CMTM4: variants seen among roughly 807,000 people sequenced by gnomAD.
CMTM4 encodes the protein CKLF like MARVEL transmembrane domain containing 4, also known as CKLF-like MARVEL transmembrane domain-containing protein 4.
A neutral mutation model predicts 19.0 loss-of-function variants in CMTM4; 8 were observed. The ratio of observed to expected loss-of-function variants is 0.42; its 90% CI spans 0.25 to 0.76. CMTM4 has a LOEUF of 0.76. CMTM4 is among the 30% of genes least tolerant of loss of function. CMTM4 has a pLI of 0.27. For synonymous variants in CMTM4, 106 were observed against 121.1 expected (o/e 0.88, Z 0.82); for missense variants, 228 against 290.2 (o/e 0.79, Z 1.56).
At chr16:66,609,792 A>G (rs767734260), downstream of CMTM4, 7 of 1,613,064 alleles carry the variant, frequency 4.3e-6, no homozygotes, top group South Asian at 2.2e-5. This position sits in a 1 kb window ranked among gnomAD's most constrained non-coding sequence, Gnocchi z 4.4. Flanking sequence ...TGTTTGTCCA[A>G]GCAGATCTGA....
intron 1 of CMTM4, among the ~76,000 whole-genome samples, chr16:66,646,739 C>T (rs2016209607): frequency 2.0e-5 from 3 of 149,766 alleles, no homozygotes; most frequent in Admixed American, 6.6e-5. Context: ...CACAGTCTCG[C>T]TGTGTTACCC....
intron 2 of CMTM4, among the ~76,000 whole-genome samples, chr16:66,634,590 A>C (rs1030822688): frequency 6.6e-6 from 1 of 152,156 alleles, no homozygotes; most frequent in Non-Finnish European, 1.5e-5. Context: ...TAAGGGGGTC[A>C]AGTCAAACCT....
chr16:66,634,856 C>T (rs766364176), intron 2 of CMTM4, among the ~76,000 whole-genome samples: 11 of 152,206 alleles, frequency 7.2e-5, no homozygotes, highest in Non-Finnish European at 1.5e-4. Context: ...GGGTCATGCA[C>T]AGCCTGTTTC....
At chr16:66,650,127 A>C (rs355965) in intron 1 of CMTM4, among the ~76,000 whole-genome samples, 1 of 152,242 alleles carries the variant, frequency 6.6e-6, no homozygotes, top group East Asian at 1.9e-4. Flanking sequence ...AGTCAACACC[A>C]AACTCAGGTG....
intron 1 of CMTM4, among the ~76,000 whole-genome samples, chr16:66,639,910 A>C (rs1406433015): frequency 2.6e-5 from 4 of 152,126 alleles, no homozygotes; most frequent in African/African-American, 9.7e-5. Flanking sequence ...CCCAGCTACC[A>C]GGGAGGCTAA....
chr16:66,600,970 T>G, the CMTM4 span, among the ~76,000 whole-genome samples: 6 of 152,134 alleles, frequency 3.9e-5, no homozygotes, highest in Non-Finnish European at 8.8e-5. Flanking sequence ...GGACCATAGT[T>G]TGTTCCAGGA....
chr16:66,693,220 AACAC>A (rs2017169335), intron 1 of CMTM4, among the ~76,000 whole-genome samples: 1 of 150,848 alleles, frequency 6.6e-6, no homozygotes. Flanking sequence ...ACAAAAGTCT[AACAC>A]AAAGAAAAAA....
At chr16:66,679,376 CA>C (rs2016865893) in intron 1 of CMTM4, among the ~76,000 whole-genome samples, 1 of 151,932 alleles carries the variant, frequency 6.6e-6, no homozygotes, top group Non-Finnish European at 1.5e-5. Flanking sequence ...ATCAATAATC[CA>C]AGGAGAAAGA....
chr16:66,630,422 T>TTA (rs2015831141), intron 2 of CMTM4, among the ~76,000 whole-genome samples: 1 of 149,802 alleles, frequency 6.7e-6, no homozygotes, highest in African/African-American at 2.5e-5. Context: ...CCATCTGGGC[T>TTA]CAATGCAACC....
Position 66,621,742 on chromosome 16 carries a change from A to C in CMTM4, c.*316T>G. 2 of 1,153,008 alleles carry C rather than the reference A, an allele frequency of 1.7e-6. No homozygotes were observed. The highest frequency in any genetic ancestry group is 1.6e-5 in the African/African-American group (1 of 64,352). 71.4% of individuals were successfully genotyped at this position (1,153,008 alleles called of 1,614,324 possible). ...CCTCTTAGCAGCCCCATTTAATCCA[A>C]AGTCTTGTTACAAATACACACGACA... On this transcript the variant is annotated 3_prime_UTR_variant, in exon 4 of 4. Coordinates refer to ENST00000394106, the MANE Select transcript of CMTM4 (RefSeq NM_181521.3).
At chr16:66,688,527 AACACAC>A (rs59727449) in intron 1 of CMTM4, among the ~76,000 whole-genome samples, 1 of 148,582 alleles carries the variant, frequency 6.7e-6, no homozygotes. Context: ...CACTCCCCTC[AACACAC>A]ACACACACAC....
chr16:66,652,403 G>T (rs2016326925), intron 1 of CMTM4, among the ~76,000 whole-genome samples: 5 of 152,226 alleles, frequency 3.3e-5, no homozygotes, highest in Admixed American at 3.3e-4. Context: ...AGAAAGCTTG[G>T]TTGGGTCTGG....
chr16:66,622,300 T>G lies in CMTM4; in HGVS notation c.463-78A>C, dbSNP rs919639809. 4.7e-6 allele frequency: 7 copies of G among 1,495,476 alleles called. No individual in the cohort carries two copies. The highest frequency in any genetic ancestry group is 1.2e-5 in the South Asian group (1 of 80,840). The allele number at this position is 1,495,476 out of a possible 1,614,324, so 92.6% of individuals were successfully genotyped here. On this transcript the variant is annotated intron_variant, in intron 3 of 3. Coordinates refer to ENST00000394106, the MANE Select transcript of CMTM4 (RefSeq NM_181521.3). The surrounding 1 kb of genome is among the most constrained non-coding windows in gnomAD (Gnocchi z 4.0). The stretch of plus-strand genomic sequence containing the variant: ...GGCTTCTGTGGTGACCCAAGCCACA[T>G]GCAGCCCCTTCCTGCTCTGCCAGCT...
At chr16:66,647,445 C>A (rs2016225732) in intron 1 of CMTM4, among the ~76,000 whole-genome samples, 1 of 151,896 alleles carries the variant, frequency 6.6e-6, no homozygotes, top group Admixed American at 6.6e-5. Context: ...TCTGAGAAGT[C>A]AAAAACTTAC....
downstream of CMTM4, among the ~76,000 whole-genome samples, chr16:66,610,497 C>T (rs577902401): frequency 2.0e-5 from 3 of 152,216 alleles, no homozygotes; most frequent in Admixed American, 6.5e-5. This position sits in a 1 kb window ranked among gnomAD's most constrained non-coding sequence, Gnocchi z 4.6. Context: ...AAACAGGAGC[C>T]GATAGAGGGA....
chr16:66,644,558 A>G (rs905789203), intron 1 of CMTM4, among the ~76,000 whole-genome samples: 1 of 152,222 alleles, frequency 6.6e-6, no homozygotes, highest in African/African-American at 2.4e-5. Context: ...TTTTAAAACA[A>G]TATTCACTAT....
At chr16:66,662,408 C>A (rs183425802) in intron 1 of CMTM4, among the ~76,000 whole-genome samples, 98 of 152,262 alleles carry the variant, frequency 6.4e-4, no homozygotes, top group African/African-American at 2.3e-3. Flanking sequence ...ATAGGGAGTC[C>A]AGGACAATCC....
chr16:66,646,909 G>A (rs938391767), intron 1 of CMTM4, among the ~76,000 whole-genome samples: 2 of 151,848 alleles, frequency 1.3e-5, no homozygotes, highest in Admixed American at 6.6e-5. Flanking sequence ...GTTTCACCAC[G>A]TTGGCCAGGA....
At chr16:66,683,620 T>A (rs1054545880) in intron 1 of CMTM4, among the ~76,000 whole-genome samples, 1 of 151,894 alleles carries the variant, frequency 6.6e-6, no homozygotes, top group African/African-American at 2.4e-5. Flanking sequence ...CATTCAACTG[T>A]CTATTCAACA....
Sources: gnomAD v4.1 joint callset for allele counts (sites outside exome capture counted in the v4.1 genomes callset) on GRCh38, gnomAD v4.1.1 for gene constraint, Gnocchi (gnomAD v3.1) non-coding constraint, MANE v1.5 for transcripts, NCBI Gene and HGNC (gene_info 2026-07-23, HGNC 2026-07-21) for gene names.